The following DPP10 variants were observed in gnomAD, a reference collection of about 807,000 sequenced individuals.
DPP10 encodes the protein dipeptidyl peptidase like 10.
DPP10 carries 33 observed loss-of-function variants against 120.9 expected under a neutral mutation model. That is an observed-to-expected ratio of 0.27 (90% confidence interval 0.21 to 0.37). The LOEUF is 0.37. Ranked by LOEUF, DPP10 falls within the 10% of genes least tolerant of loss-of-function variation. The pLI, the probability that DPP10 is intolerant of heterozygous loss-of-function variation, is 1.00. For synonymous variants in DPP10, 337 were observed against 326.1 expected (o/e 1.03, Z -0.36); for missense variants, 816 against 942.8 (o/e 0.87, Z 1.76).
intron 2 of DPP10, among the ~76,000 whole-genome samples, chr2:115,334,887 A>G (rs1409684527): frequency 2.0e-5 from 3 of 151,942 alleles, no homozygotes; most frequent in African/African-American, 7.2e-5. Flanking sequence ...TAACCCAAAA[A>G]ATCTATGCAA....
At chr2:115,661,396 T>G (rs1050013117) in intron 5 of DPP10, among the ~76,000 whole-genome samples, 5 of 152,344 alleles carry the variant, frequency 3.3e-5, no homozygotes, top group African/African-American at 9.6e-5. Flanking sequence ...CTACCAATCA[T>G]CTGAACTTGA....
chr2:115,285,405 G>A (rs1376610066), intron 1 of DPP10, among the ~76,000 whole-genome samples: 2 of 151,984 alleles, frequency 1.3e-5, no homozygotes, highest in Non-Finnish European at 2.9e-5. Flanking sequence ...AAAAGACAGA[G>A]TATACTGGGA....
intron 1 of DPP10, among the ~76,000 whole-genome samples, chr2:115,292,050 G>A (rs961814456): frequency 2.0e-5 from 3 of 152,114 alleles, no homozygotes; most frequent in African/African-American, 4.8e-5. Flanking sequence ...ACAGGCAACA[G>A]CAGGTCTTAT....
intron 1 of DPP10, among the ~76,000 whole-genome samples, chr2:114,982,641 C>A (rs1243750857): frequency 6.6e-6 from 1 of 151,706 alleles, no homozygotes; most frequent in Non-Finnish European, 1.5e-5. Flanking sequence ...CACTCTGTCA[C>A]CCAGGCTGGA....
intron 1 of DPP10, among the ~76,000 whole-genome samples, chr2:115,298,314 C>A (rs1024195571): frequency 6.6e-6 from 1 of 151,976 alleles, no homozygotes; most frequent in Non-Finnish European, 1.5e-5. Flanking sequence ...TTAGATCAAC[C>A]GTGTATGTAA....
At chr2:114,700,317 C>A (rs578226975) in intron 1 of DPP10, among the ~76,000 whole-genome samples, 173 of 152,162 alleles carry the variant, frequency 1.1e-3, no homozygotes, top group African/African-American at 4.1e-3. Context: ...ATCTGCATAT[C>A]CAATAGACAG....
chr2:115,640,844 A>G (rs1291645323), intron 5 of DPP10, among the ~76,000 whole-genome samples: 1 of 152,192 alleles, frequency 6.6e-6, no homozygotes, highest in African/African-American at 2.4e-5. Flanking sequence ...GGAGCTGATC[A>G]TTATACACCG....
At chr2:115,369,520 GATTATA>G (rs1211570884) in intron 3 of DPP10, among the ~76,000 whole-genome samples, 1 of 152,056 alleles carries the variant, frequency 6.6e-6, no homozygotes, top group Admixed American at 6.6e-5. Flanking sequence ...ATGAATGAGG[GATTATA>G]ACTGAACTTA....
At chr2:114,969,769 C>A (rs541081919) in intron 1 of DPP10, among the ~76,000 whole-genome samples, 1 of 152,244 alleles carries the variant, frequency 6.6e-6, no homozygotes, top group Non-Finnish European at 1.5e-5. Context: ...GCCGACTTTT[C>A]CTGTCATTGG....
intron 5 of DPP10, among the ~76,000 whole-genome samples, chr2:115,688,034 AAGAGAG>A (rs70941088): frequency 6.7e-6 from 1 of 150,200 alleles, no homozygotes; most frequent in East Asian, 1.9e-4. Context: ...GAGAGAGAAA[AAGAGAG>A]AGAGAGAGAG....
chr2:115,461,823 C>G (rs1283238777), intron 3 of DPP10, among the ~76,000 whole-genome samples: 1 of 151,904 alleles, frequency 6.6e-6, no homozygotes, highest in East Asian at 1.9e-4. Context: ...TCCCTTTGTT[C>G]CGATGTTCTG....
At position 115,279,655 on chromosome 2, in the gene DPP10, C is replaced by CTTTTTTTTTTTT. The variant is rs70941039; in HGVS notation, c.61-29568_61-29557dup. On this transcript the variant is annotated intron_variant, in intron 1 of 25. Transcript: ENST00000410059. ...TTTCTTTCTTTCTTTTTTTCTTCTTCTTTTTTTTTTTTTTTTTTTTTTTTT... is the reference window on the plus strand; with the variant it reads ...TTTCTTTCTTTCTTTTTTTCTTCTTCTTTTTTTTTTTTTTTTTTTTTTTTTTTTTTTTTTTTT... 6.1e-4 allele frequency among the ~76,000 whole-genome samples: 26 copies of CTTTTTTTTTTTT among 42,712 alleles called. 7 individuals are homozygous for CTTTTTTTTTTTT. Among genetic ancestry groups the CTTTTTTTTTTTT allele is most frequent in the African/African-American group, 1.3e-3 (12 of 9,152 alleles). 28.0% of individuals were successfully genotyped at this position (42,712 alleles called of 152,430 possible). A position where few individuals can be genotyped will look rare whatever the true frequency, so the allele number is the denominator to read the frequency against.
At chr2:114,493,701 T>G (rs983563574) in intron 1 of DPP10, among the ~76,000 whole-genome samples, 4 of 152,140 alleles carry the variant, frequency 2.6e-5, no homozygotes, top group African/African-American at 9.7e-5. Flanking sequence ...ATATAATGAC[T>G]GGGTGTTTAG....
At chr2:115,425,102 A>G (rs2070333437) in intron 3 of DPP10, among the ~76,000 whole-genome samples, 1 of 152,174 alleles carries the variant, frequency 6.6e-6, no homozygotes, top group African/African-American at 2.4e-5. Flanking sequence ...AAAGGCAGAG[A>G]TGAATGAGGG....
intron 1 of DPP10, among the ~76,000 whole-genome samples, chr2:114,942,320 T>TATATATATATATATATACAC (rs869121143): frequency 1.6e-5 from 2 of 123,980 alleles, no homozygotes; most frequent in African/African-American, 6.2e-5. Flanking sequence ...TATATATATA[T>TATATATATATATATATACAC]ACACACACAT....
chr2:115,006,951 T>G (rs1447277950), intron 1 of DPP10, among the ~76,000 whole-genome samples: 1 of 152,046 alleles, frequency 6.6e-6, no homozygotes, highest in Non-Finnish European at 1.5e-5. Flanking sequence ...ATTCCAAAAC[T>G]GACCACATAC....
intron 5 of DPP10, among the ~76,000 whole-genome samples, chr2:115,686,987 G>A (rs1385692873): frequency 2.6e-5 from 4 of 151,822 alleles, no homozygotes; most frequent in African/African-American, 4.8e-5. Context: ...TTACCCTCTC[G>A]TCATGAAATA....
intron 1 of DPP10, among the ~76,000 whole-genome samples, chr2:115,159,745 C>T (rs1267531071): frequency 6.6e-6 from 1 of 152,062 alleles, no homozygotes; most frequent in East Asian, 1.9e-4. Context: ...CACACACAGA[C>T]CCCCACAATA....
chr2:114,962,863 G>T (rs1461954179), intron 1 of DPP10, among the ~76,000 whole-genome samples: 1 of 152,090 alleles, frequency 6.6e-6, no homozygotes, highest in African/African-American at 2.4e-5. Flanking sequence ...TTCTGACATT[G>T]AATGTACTTT....
Sources: gnomAD v4.1 joint callset for allele counts (sites outside exome capture counted in the v4.1 genomes callset) on GRCh38, gnomAD v4.1.1 for gene constraint, MANE v1.5 for transcripts, NCBI Gene and HGNC (gene_info 2026-07-23, HGNC 2026-07-21) for gene names.